The following UBE2V1 variants were observed in gnomAD, a reference collection of about 807,000 sequenced individuals.
UBE2V1 encodes the protein ubiquitin-conjugating enzyme E2 variant 1.
In UBE2V1, 15 loss-of-function variants were observed where a neutral mutation model predicts 19.6. That is an observed-to-expected ratio of 0.77 (90% CI 0.51 to 1.18). The LOEUF (loss-of-function observed/expected upper bound fraction) is 1.18. Ranked by LOEUF, UBE2V1 falls within the 50% of genes most tolerant of loss-of-function variation. UBE2V1 has a pLI of 0.00. For missense variants in UBE2V1, 125 were observed against 184.8 expected, an observed-to-expected ratio of 0.68 and a Z score of 1.88; for synonymous variants, 60 against 60.7, an observed-to-expected ratio of 0.99 and a Z score of 0.05.
At chr20:50,096,592 C>A in intron 2 of UBE2V1, 80 bp downstream of exon 2, 1 of 1,603,504 alleles carries the variant, frequency 6.2e-7, no homozygotes, top group South Asian at 1.1e-5. Flanking sequence ...GCTTTTTTTC[C>A]GTGATAAGGC....
intron 1 of UBE2V1, among the ~76,000 whole-genome samples, chr20:50,100,948 T>A (rs994349615): frequency 6.6e-6 from 1 of 152,250 alleles, no homozygotes; most frequent in Non-Finnish European, 1.5e-5. Context: ...ATATTTAATT[T>A]TTACTTGTGA....
At chr20:50,088,739 T>C (rs556581835) in intron 2 of UBE2V1, among the ~76,000 whole-genome samples, 27 of 150,732 alleles carry the variant, frequency 1.8e-4, no homozygotes, top group Non-Finnish European at 3.7e-4. Flanking sequence ...TGAGCTGTGA[T>C]TGTGTCACTG....
At chr20:50,085,114 T>C (rs527382006) in intron 2 of UBE2V1, among the ~76,000 whole-genome samples, 345 of 152,132 alleles carry the variant, frequency 2.3e-3, no homozygotes, top group Non-Finnish European at 3.5e-3. Flanking sequence ...GGTCTCGAAC[T>C]CCTGACCTCA....
At chr20:50,085,096 G>C (rs949515622) in intron 2 of UBE2V1, among the ~76,000 whole-genome samples, 1 of 151,850 alleles carries the variant, frequency 6.6e-6, no homozygotes, top group South Asian at 2.1e-4. Flanking sequence ...CTCCATGTTG[G>C]TCAGGCTGGT....
chr20:50,088,365 T>C (rs768209792), intron 2 of UBE2V1, among the ~76,000 whole-genome samples: 14 of 152,208 alleles, frequency 9.2e-5, no homozygotes, highest in African/African-American at 3.1e-4. Flanking sequence ...CGTTGGTTTA[T>C]TGGTTGTGAC....
In UBE2V1 at chr20:50,104,155, G is replaced by A. The variant is rs180853596; in HGVS notation, c.23-7335C>T. On this transcript the variant is annotated intron_variant, in intron 1 of 3. Coordinates refer to ENST00000371674, the MANE Select transcript of UBE2V1 (RefSeq NM_001032288.3). ...AAATTAGCTGGGCGTGGTGGTGCGC[G>A]CCTGTAATCCCAGCTACTCGAGAGG... Among the ~76,000 whole-genome samples the A allele has an allele frequency of 2.6e-3, 389 of 148,856 alleles. 4 individuals are homozygous for A. The highest frequency in any genetic ancestry group is 9.2e-3 in the African/African-American group (363 of 39,298).
chr20:50,086,694 C>T (rs1348581805), intron 2 of UBE2V1, among the ~76,000 whole-genome samples: 1 of 152,024 alleles, frequency 6.6e-6, no homozygotes, highest in Non-Finnish European at 1.5e-5. Context: ...AATTTCTCAC[C>T]ACTGATATTC....
At chr20:50,109,098 G>A (rs2080575363) in intron 1 of UBE2V1, 1 of 985,272 alleles carries the variant, frequency 1.0e-6, no homozygotes, top group Non-Finnish European at 1.2e-6. Context: ...TACTGCCCCT[G>A]GCTGGTGACC....
intron 1 of UBE2V1, among the ~76,000 whole-genome samples, chr20:50,101,980 C>T (rs1156315844): frequency 2.0e-5 from 3 of 152,142 alleles, no homozygotes; most frequent in African/African-American, 7.2e-5. Context: ...TGGACTTTAC[C>T]TTAAGGGTAA....
chr20:50,113,155 G>GCCCCTTCTTCACCCC (rs2080888109), upstream of UBE2V1: 2 of 1,326,028 alleles, frequency 1.5e-6, no homozygotes, highest in East Asian at 6.1e-5. Context: ...TTGAAGGCCG[G>GCCCCTTCTTCACCCC]CCCCTTCTTC....
At chr20:50,089,517 A>C (rs1347783123) in intron 2 of UBE2V1, among the ~76,000 whole-genome samples, 1 of 152,180 alleles carries the variant, frequency 6.6e-6, no homozygotes, top group East Asian at 1.9e-4. Context: ...GACTGGTGGA[A>C]CCTTCAGAGG....
At chr20:50,108,535 C>A (rs1461528762) in intron 1 of UBE2V1, among the ~76,000 whole-genome samples, 1 of 152,200 alleles carries the variant, frequency 6.6e-6, no homozygotes, top group South Asian at 2.1e-4. Flanking sequence ...AGGCTCTGCA[C>A]CTCAGGCTAG....
intron 1 of UBE2V1, among the ~76,000 whole-genome samples, chr20:50,112,127 C>A (rs982581848): frequency 3.3e-5 from 5 of 152,178 alleles, no homozygotes; most frequent in Admixed American, 1.3e-4. Context: ...AGAGACACTT[C>A]TAGGATATGC....
intron 1 of UBE2V1, chr20:50,111,274 T>G (rs899142953): frequency 1.0e-6 from 1 of 986,682 alleles, no homozygotes; most frequent in Non-Finnish European, 1.2e-6. Context: ...CCATAGCCAT[T>G]TATGAAGCAC....
intron 2 of UBE2V1, among the ~76,000 whole-genome samples, chr20:50,094,034 A>AATAAAAAT (rs1568987954): frequency 2.4e-5 from 2 of 85,022 alleles, no homozygotes; most frequent in African/African-American, 1.1e-4. Flanking sequence ...ATAATAATAA[A>AATAAAAAT]ATATATATAT....
intron 1 of UBE2V1, chr20:50,099,082 G>A (rs888088208): frequency 1.6e-6 from 1 of 608,920 alleles, no homozygotes; most frequent in Non-Finnish European, 2.1e-6. Context: ...TTAGGCTAGC[G>A]GGGGAAAAGT....
intron 1 of UBE2V1, among the ~76,000 whole-genome samples, chr20:50,101,571 CAAAA>C (rs11481618): frequency 0.017 from 1,243 of 71,136 alleles, 5 homozygotes; most frequent in South Asian, 0.034. Context: ...CATTTATAAG[CAAAA>C]AAAAAAAAAA....
At chr20:50,092,756 C>T (rs2079318064) in intron 2 of UBE2V1, among the ~76,000 whole-genome samples, 1 of 152,022 alleles carries the variant, frequency 6.6e-6, no homozygotes, top group African/African-American at 2.4e-5. Context: ...AATAAACAAA[C>T]AAACAAAAAA....
intron 2 of UBE2V1, among the ~76,000 whole-genome samples, chr20:50,088,434 T>C (rs2079044438): frequency 6.6e-6 from 1 of 152,226 alleles, no homozygotes; most frequent in African/African-American, 2.4e-5. Context: ...CAGGAAGTAC[T>C]ACCTTTGCAA....
Sources: gnomAD v4.1 joint callset for allele counts (sites outside exome capture counted in the v4.1 genomes callset) on GRCh38, gnomAD v4.1.1 for gene constraint, MANE v1.5 for transcripts, NCBI Gene and HGNC (gene_info 2026-07-23, HGNC 2026-07-21) for gene names.